Variants in HAPLN1 observed in about 807,000 individuals in gnomAD.
The protein encoded by HAPLN1 is Cartilage link protein.
A neutral mutation model predicts 36.5 loss-of-function variants in HAPLN1; 13 were observed. The ratio of observed to expected loss-of-function variants is 0.36; its 90% confidence interval spans 0.23 to 0.57. The LOEUF (loss-of-function observed/expected upper bound fraction) is 0.57. Among genes scored for constraint, HAPLN1 ranks in the 20% least tolerant of loss-of-function variants. The pLI, the probability that HAPLN1 is intolerant of heterozygous loss-of-function variation, is 0.83. For synonymous variants in HAPLN1, 202 were observed against 169.8 expected, an observed-to-expected ratio of 1.19 and a Z score of -1.48; for missense variants, 407 against 439.7, an observed-to-expected ratio of 0.93 and a Z score of 0.66.
intron 1 of HAPLN1, among the ~76,000 whole-genome samples, chr5:83,699,769 A>G (rs1354182693): frequency 6.6e-6 from 1 of 152,228 alleles, no homozygotes; most frequent in East Asian, 1.9e-4. Context: ...TAAATCAATC[A>G]TGTTCCATAG....
chr5:83,673,477 T>C lies in HAPLN1; in HGVS notation c.47A>G (p.Asp16Gly), dbSNP rs1365301127. The change falls in exon 2 of 5, where the codon GAT (aspartate) becomes GGT (glycine). Residue 16 changes from aspartate (D) to glycine (G), a missense_variant. Coordinates refer to ENST00000274341, the MANE Select transcript of HAPLN1 (RefSeq NM_001884.4). ...CAGAGTATAGTTGTCTGAAAGATGA[T>C]CAGCCCAGCAGATTGAAATCAGCAC... ...LLVLISICWA[D>G]HLSDNYTLDH... 6.2e-7 allele frequency: 1 copy of C among 1,613,700 alleles called. No homozygotes were observed. The highest frequency in any genetic ancestry group is 8.5e-7 in the Non-Finnish European group (1 of 1,179,872).
intron 1 of HAPLN1, among the ~76,000 whole-genome samples, chr5:83,694,895 A>G (rs1751356231): frequency 6.6e-6 from 1 of 152,182 alleles, no homozygotes; most frequent in Non-Finnish European, 1.5e-5. Flanking sequence ...AAGAGGAGAG[A>G]ATATTTCCCA....
At chr5:83,681,459 AAAC>A (rs1750996979) in intron 1 of HAPLN1, among the ~76,000 whole-genome samples, 1 of 152,160 alleles carries the variant, frequency 6.6e-6, no homozygotes, top group African/African-American at 2.4e-5. Flanking sequence ...CAAACAAATA[AAAC>A]AACTCTCATT....
chr5:83,713,527 T>C (rs921037505), intron 1 of HAPLN1, among the ~76,000 whole-genome samples: 7 of 152,172 alleles, frequency 4.6e-5, no homozygotes, highest in Non-Finnish European at 8.8e-5. Flanking sequence ...ATCCCTTCTC[T>C]CTTCCAGATG....
chr5:83,663,996 G>T (rs1238811020), intron 2 of HAPLN1, among the ~76,000 whole-genome samples: 1 of 151,822 alleles, frequency 6.6e-6, no homozygotes, highest in South Asian at 2.1e-4. Context: ...GTCACCCTTT[G>T]CTCAAACAAA....
intron 1 of HAPLN1, among the ~76,000 whole-genome samples, chr5:83,701,275 C>T (rs1751500901): frequency 6.6e-6 from 1 of 152,198 alleles, no homozygotes; most frequent in East Asian, 1.9e-4. Context: ...AAACTTATTT[C>T]GTGTAGCTTC....
chr5:83,694,085 T>C lies in HAPLN1; in HGVS notation c.-26-20536A>G, dbSNP rs6863404. Among the ~76,000 whole-genome samples, 922 of 152,060 alleles carry C rather than the reference T, an allele frequency of 6.1e-3. 14 individuals are homozygous for C. The highest frequency in any genetic ancestry group is 0.021 in the African/African-American group (860 of 41,534). On this transcript the variant is annotated intron_variant, in intron 1 of 4. Coordinates refer to ENST00000274341, the MANE Select transcript of HAPLN1 (RefSeq NM_001884.4). Reference sequence around the variant, plus strand: ...CTCAAGAAATGTAAAAGGATTTACGTGAGGCAAAATATATTCCCTAAGTAT... The same window carrying C: ...CTCAAGAAATGTAAAAGGATTTACGCGAGGCAAAATATATTCCCTAAGTAT...
rs551950485 is a variant in HAPLN1, at chr5:83,695,138, T to A, written c.-26-21589A>T. 1.2e-3 allele frequency among the ~76,000 whole-genome samples: 176 copies of A among 152,274 alleles called. No homozygotes were observed. In the Middle Eastern group the frequency reaches 0.014, roughly 12 times the overall value. ...ATCAATGTAATTCATTATACATATA[T>A]TTTTGAAATGGAGTCTCACTCTTGT... is the stretch of plus-strand genomic sequence containing the variant. On this transcript the variant is annotated intron_variant, in intron 1 of 4. Transcript: ENST00000274341.
chr5:83,685,339 A>G (rs1751094766), intron 1 of HAPLN1, among the ~76,000 whole-genome samples: 1 of 152,228 alleles, frequency 6.6e-6, no homozygotes, highest in Non-Finnish European at 1.5e-5. Flanking sequence ...ACACTGCAGG[A>G]TAAATGGAAG....
At chr5:83,643,032 A>G (rs1381846021) in intron 4 of HAPLN1, among the ~76,000 whole-genome samples, 1 of 152,102 alleles carries the variant, frequency 6.6e-6, no homozygotes, top group Non-Finnish European at 1.5e-5. Flanking sequence ...CTTTACAGAA[A>G]AAGATTGTCG....
At chr5:83,690,137 C>CTCCTCTGTCATATCTGTT (rs1287304002) in intron 1 of HAPLN1, among the ~76,000 whole-genome samples, 1 of 152,042 alleles carries the variant, frequency 6.6e-6, no homozygotes, top group Non-Finnish European at 1.5e-5. Flanking sequence ...GGCATCAGTA[C>CTCCTCTGTCATATCTGTT]TCCTCTGTCA....
At chr5:83,716,161 A>G (rs116043667) in intron 1 of HAPLN1, among the ~76,000 whole-genome samples, 220 of 152,376 alleles carry the variant, frequency 1.4e-3, no homozygotes, top group African/African-American at 5.0e-3. Flanking sequence ...AGGAATATCC[A>G]TAAGACTTTG....
intron 1 of HAPLN1, among the ~76,000 whole-genome samples, chr5:83,688,642 CTTTTTTTTTT>C (rs539790396): frequency 2.4e-4 from 19 of 80,588 alleles, no homozygotes; most frequent in East Asian, 1.5e-3. Context: ...GCTTTTGATT[CTTTTTTTTTT>C]TTTTTTTTTT....
intron 3 of HAPLN1, 157 bp downstream of exon 3, chr5:83,652,296 C>A: frequency 4.4e-6 from 3 of 683,160 alleles, no homozygotes; most frequent in Admixed American, 6.2e-5. Flanking sequence ...AAGCTGGAAT[C>A]ATAGGCAGAC....
At chr5:83,670,428 A>C (rs555767538) in intron 2 of HAPLN1, among the ~76,000 whole-genome samples, 5 of 152,158 alleles carry the variant, frequency 3.3e-5, no homozygotes, top group Non-Finnish European at 7.3e-5. Context: ...TATACAAGCT[A>C]ATATCTTGAT....
intron 1 of HAPLN1, among the ~76,000 whole-genome samples, chr5:83,711,327 C>G (rs1751780691): frequency 6.6e-6 from 1 of 152,118 alleles, no homozygotes. Context: ...CATCAAATAC[C>G]ATAAAGTTCT....
intron 2 of HAPLN1, among the ~76,000 whole-genome samples, chr5:83,664,408 A>G (rs1249218324): frequency 6.6e-6 from 1 of 151,768 alleles, no homozygotes; most frequent in Non-Finnish European, 1.5e-5. Context: ...TTTGAGCCCT[A>G]GTCTCACTCT....
chr5:83,719,340 G>A (rs1751977094), intron 1 of HAPLN1, among the ~76,000 whole-genome samples: 1 of 152,228 alleles, frequency 6.6e-6, no homozygotes, highest in South Asian at 2.1e-4. Context: ...TGTTGAGGTT[G>A]TTGGTTATCT....
intron 1 of HAPLN1, among the ~76,000 whole-genome samples, chr5:83,720,366 C>G (rs758184781): frequency 7.2e-5 from 11 of 152,218 alleles, no homozygotes; most frequent in Non-Finnish European, 1.5e-4. Context: ...TATATATTCT[C>G]TGAAACAAAA....
Sources: gnomAD v4.1 joint callset for allele counts (sites outside exome capture counted in the v4.1 genomes callset) on GRCh38, gnomAD v4.1.1 for gene constraint, MANE v1.5 for transcripts, NCBI Gene and HGNC (gene_info 2026-07-23, HGNC 2026-07-21) for gene names.